The following C12orf56 variants were observed in gnomAD, a reference collection of about 807,000 sequenced individuals.
C12orf56 encodes the protein uncharacterized protein C12orf56.
In C12orf56, 71 loss-of-function variants were observed where a neutral mutation model predicts 69.9. That is an observed-to-expected ratio of 1.02 (90% CI 0.84 to 1.24). The LOEUF (loss-of-function observed/expected upper bound fraction) is 1.24, where lower values mean the gene tolerates loss of function less well. Among genes scored for constraint, C12orf56 ranks in the 50% most tolerant of loss-of-function variants. The pLI is 0.00. For synonymous variants in C12orf56, 276 were observed against 274.1 expected (o/e 1.01, Z -0.07); for missense variants, 732 against 738.5 (o/e 0.99, Z 0.10).
At chr12:64,366,058 A>G (rs1224756389) in intron 1 of C12orf56, among the ~76,000 whole-genome samples, 1 of 89,622 alleles carries the variant, frequency 1.1e-5, no homozygotes, top group Non-Finnish European at 2.0e-5. Flanking sequence ...TATATAATAT[A>G]TAGCTTGTAT....
At chr12:64,295,629 C>G (rs2038355538) in intron 6 of C12orf56, among the ~76,000 whole-genome samples, 1 of 151,874 alleles carries the variant, frequency 6.6e-6, no homozygotes, top group Non-Finnish European at 1.5e-5. Context: ...GGAGATGGTG[C>G]CACTGCACTT....
rs1284429181 is a variant in C12orf56, at chr12:64,286,202, A to G, written c.1114-142T>C. Reference sequence around the variant, plus strand: ...TACAATATCTCCCACTGATACTAGCATAACCCAAATTGGAAACATACTTCT... The same window carrying G: ...TACAATATCTCCCACTGATACTAGCGTAACCCAAATTGGAAACATACTTCT... On this transcript the variant is annotated intron_variant, in intron 6 of 12. Transcript: ENST00000543942. The G allele has an allele frequency of 2.5e-5, 15 of 589,704 alleles. No homozygotes were observed. In the East Asian group the frequency reaches 4.2e-4, roughly 16 times the overall value. The allele number at this position is 589,704 out of a possible 1,614,324, so 36.5% of individuals were successfully genotyped here.
At chr12:64,356,671 G>A (rs1029529888) in intron 1 of C12orf56, among the ~76,000 whole-genome samples, 5 of 152,188 alleles carry the variant, frequency 3.3e-5, no homozygotes, top group Admixed American at 6.5e-5. Context: ...GTCAAAGCAG[G>A]TGACCAGGGG....
At chr12:64,352,116 GTT>G (rs55635010) in intron 2 of C12orf56, among the ~76,000 whole-genome samples, 40,155 of 147,262 alleles carry the variant, frequency 0.27, 5,812 homozygotes, top group Middle Eastern at 0.37. Flanking sequence ...TTTTTTTTTT[GTT>G]TTTTTTTTTA....
At chr12:64,270,194 G>A (rs1372559560) in intron 12 of C12orf56, among the ~76,000 whole-genome samples, 1 of 151,802 alleles carries the variant, frequency 6.6e-6, no homozygotes, top group Admixed American at 6.6e-5. Context: ...TTAGGAGTTC[G>A]AGATCAGCCT....
chr12:64,335,544 A>C (rs962442038), intron 2 of C12orf56, among the ~76,000 whole-genome samples: 1 of 152,104 alleles, frequency 6.6e-6, no homozygotes, highest in Non-Finnish European at 1.5e-5. Flanking sequence ...TGAAAAGTAC[A>C]ATTCAGGTAT....
At chr12:64,324,370 G>A (rs2038811306) in intron 3 of C12orf56, among the ~76,000 whole-genome samples, 1 of 152,180 alleles carries the variant, frequency 6.6e-6, no homozygotes, top group Non-Finnish European at 1.5e-5. Flanking sequence ...CAACAAAGCA[G>A]TCTGATAAAG....
intron 3 of C12orf56, among the ~76,000 whole-genome samples, chr12:64,330,317 A>T (rs1467638385): frequency 6.6e-6 from 1 of 152,126 alleles, no homozygotes; most frequent in Non-Finnish European, 1.5e-5. Context: ...TTTCACTTTC[A>T]GGTCCTATTT....
chr12:64,328,656 G>A (rs1157609997), intron 3 of C12orf56, among the ~76,000 whole-genome samples: 1 of 119,528 alleles, frequency 8.4e-6, no homozygotes, highest in East Asian at 2.5e-4. Flanking sequence ...CTCCAGCCTG[G>A]GCGACAGTGC....
At chr12:64,377,916 T>G (rs2039663140) in intron 1 of C12orf56, among the ~76,000 whole-genome samples, 1 of 152,222 alleles carries the variant, frequency 6.6e-6, no homozygotes, top group Admixed American at 6.5e-5. Flanking sequence ...ATTAGAGCAC[T>G]GACTCTGGAG....
intron 1 of C12orf56, among the ~76,000 whole-genome samples, chr12:64,380,142 AAC>A (rs1348381960): frequency 1.6e-5 from 2 of 124,250 alleles, no homozygotes; most frequent in African/African-American, 3.0e-5. Context: ...AAACAAAACA[AAC>A]AAAAAAAAAC....
chr12:64,303,742 A>G lies in C12orf56; in HGVS notation c.1006T>C (p.Ser336Pro), dbSNP rs1427395628. Residue 336 changes from serine (S) to proline (P), a missense_variant, in exon 6 of 13, where the codon TCT becomes CCT. Coordinates refer to ENST00000543942, the MANE Select transcript of C12orf56 (RefSeq NM_001170633.2). ...GAATTGTCTTTAAGAAAAAGTTCAG[A>G]TTTAAGTTGACTGAAGTGCTTAATT... ...EKIKHFSQLK[S>P]ELFLKDNSLR... The G allele has an allele frequency of 6.3e-6, 10 of 1,588,006 alleles. No individual in the cohort carries two copies. The South Asian group carries it at 1.1e-4, about 17-fold the overall frequency.
intron 1 of C12orf56, among the ~76,000 whole-genome samples, chr12:64,382,380 G>A (rs1020881805): frequency 2.0e-4 from 31 of 151,816 alleles, no homozygotes; most frequent in African/African-American, 7.0e-4. Context: ...CTAAAGCCAG[G>A]TGACCTAATT....
intron 2 of C12orf56, among the ~76,000 whole-genome samples, chr12:64,344,951 T>C (rs949491836): frequency 3.3e-5 from 5 of 152,172 alleles, no homozygotes; most frequent in African/African-American, 1.2e-4. Flanking sequence ...CTCCCTGAGC[T>C]GCAACATTAA....
At chr12:64,334,070 T>C (rs1343455395) in intron 2 of C12orf56, among the ~76,000 whole-genome samples, 4 of 152,210 alleles carry the variant, frequency 2.6e-5, no homozygotes, top group African/African-American at 9.7e-5. Flanking sequence ...CCTTCAGTCA[T>C]TTAGCACAAT....
intron 1 of C12orf56, among the ~76,000 whole-genome samples, chr12:64,373,482 A>G (rs2039601073): frequency 6.6e-6 from 1 of 152,196 alleles, no homozygotes; most frequent in Non-Finnish European, 1.5e-5. Flanking sequence ...CCTGATATCC[A>G]TGTAATGGAA....
In C12orf56 at chr12:64,265,039, G is replaced by C. The variant is rs1438769102; in HGVS notation, c.*2144C>G. On this transcript the variant is annotated 3_prime_UTR_variant, in exon 13 of 13. Transcript: ENST00000543942. ...GGAGAGAAACCCCAAGCCCTCACTA[G>C]AGCCTGCATGACTACTAGCCCAGAT... is the stretch of plus-strand genomic sequence containing the variant. The C allele has an allele frequency of 6.6e-6, 1 of 152,220 alleles. No individual in the cohort carries two copies. The highest frequency in any genetic ancestry group is 2.4e-5 in the African/African-American group (1 of 41,450). The allele number at this position is 152,220 out of a possible 1,614,324, so 9.4% of individuals were successfully genotyped here. A position where few individuals can be genotyped will look rare whatever the true frequency, so the allele number is the denominator to read the frequency against.
intron 2 of C12orf56, among the ~76,000 whole-genome samples, chr12:64,345,138 T>C (rs1565766638): frequency 6.6e-6 from 1 of 152,154 alleles, no homozygotes; most frequent in Non-Finnish European, 1.5e-5. Context: ...CACCTCCTTA[T>C]GGGGTCATAC....
intron 1 of C12orf56, among the ~76,000 whole-genome samples, chr12:64,373,239 G>C (rs1039533205): frequency 2.0e-5 from 3 of 151,820 alleles, no homozygotes; most frequent in Non-Finnish European, 4.4e-5. Context: ...CAGATTACTC[G>C]AGCTCAGAAG....
Sources: allele counts gnomAD v4.1 joint callset (sites outside exome capture counted in the v4.1 genomes callset), GRCh38; gene constraint gnomAD v4.1.1; transcripts MANE v1.5; gene names NCBI Gene and HGNC (gene_info 2026-07-23, HGNC 2026-07-21).